MTA3: variants seen among roughly 807,000 people sequenced by gnomAD.
The protein encoded by MTA3 is metastasis-associated protein MTA3.
MTA3 carries 34 observed loss-of-function variants against 83.5 expected under a neutral mutation model. That is an observed-to-expected ratio of 0.41 (90% CI 0.31 to 0.54). The LOEUF (loss-of-function observed/expected upper bound fraction) is 0.54, where lower values mean the gene tolerates loss of function less well. Ranked by LOEUF, MTA3 falls within the 20% of genes least tolerant of loss-of-function variation. The pLI is 0.33. For synonymous variants in MTA3, 303 were observed against 252.7 expected, an observed-to-expected ratio of 1.20 and a Z score of -1.89; for missense variants, 761 against 726.4, an observed-to-expected ratio of 1.05 and a Z score of -0.55.
At chr2:42,523,342 C>G (rs182256486) in intron 2 of MTA3, among the ~76,000 whole-genome samples, 13 of 152,226 alleles carry the variant, frequency 8.5e-5, no homozygotes, top group African/African-American at 2.9e-4. Flanking sequence ...GTACTAAGTC[C>G]TCATGATTGG....
At chr2:42,749,522 C>T (rs139862357) in intron 16 of MTA3, among the ~76,000 whole-genome samples, 3 of 152,262 alleles carry the variant, frequency 2.0e-5, no homozygotes, top group East Asian at 1.9e-4. Flanking sequence ...TGCTGGAGTG[C>T]AGTGGCATGA....
chr2:42,642,152 T>G (rs1687753668), intron 5 of MTA3, among the ~76,000 whole-genome samples: 1 of 152,214 alleles, frequency 6.6e-6, no homozygotes, highest in African/African-American at 2.4e-5. Context: ...CTTTTCTTCT[T>G]CTTTTTTACA....
chr2:42,749,532 A>T (rs182046702), intron 16 of MTA3, among the ~76,000 whole-genome samples: 1 of 152,186 alleles, frequency 6.6e-6, no homozygotes, highest in East Asian at 1.9e-4. Flanking sequence ...CAGTGGCATG[A>T]TCTCGGCTCA....
At chr2:42,617,529 A>G (rs1685044242) in intron 4 of MTA3, among the ~76,000 whole-genome samples, 1 of 152,180 alleles carries the variant, frequency 6.6e-6, no homozygotes, top group South Asian at 2.1e-4. Context: ...TGCATGTTTG[A>G]GGCCGGGCAT....
chr2:42,526,256 G>A (rs1452743853), intron 2 of MTA3, among the ~76,000 whole-genome samples: 1 of 151,852 alleles, frequency 6.6e-6, no homozygotes, highest in Non-Finnish European at 1.5e-5. Context: ...TTTGAGACAG[G>A]GTCTCACTAC....
intron 16 of MTA3, among the ~76,000 whole-genome samples, chr2:42,727,183 G>C (rs893742799): frequency 5.9e-5 from 9 of 152,196 alleles, no homozygotes; most frequent in South Asian, 2.1e-4. Flanking sequence ...GGGTTACAGA[G>C]TGAGATCCTG....
At chr2:42,502,671 C>G (rs908135679) in intron 2 of MTA3, among the ~76,000 whole-genome samples, 21 of 151,924 alleles carry the variant, frequency 1.4e-4, no homozygotes, top group Non-Finnish European at 1.9e-4. Context: ...GTGGCGCATG[C>G]CTGTAATCCC....
At position 42,711,782 on chromosome 2, in the gene MTA3, G is replaced by GTT. The variant is rs1340324159; in HGVS notation, c.1525+2686_1525+2687insTT. On this transcript the variant is annotated intron_variant, in intron 14 of 16. Coordinates refer to ENST00000405094, the MANE Select transcript of MTA3 (RefSeq NM_001330442.2). ...ACTGGGAGTGTATAGGAGAGAGAGA[G>GTT]AGTGTGTGTGTGTGTGTGTGTGTGT... Among the ~76,000 whole-genome samples, 399 of 146,080 alleles carry GTT rather than the reference G, an allele frequency of 2.7e-3. 6 individuals are homozygous for GTT. Among genetic ancestry groups the GTT allele is most frequent in the Admixed American group, 4.8e-3 (72 of 14,970 alleles).
At chr2:42,623,561 C>T (rs1405968818) in intron 4 of MTA3, among the ~76,000 whole-genome samples, 1 of 152,092 alleles carries the variant, frequency 6.6e-6, no homozygotes. Context: ...CTTCCCTTTT[C>T]CTTCTCTTTC....
intron 2 of MTA3, among the ~76,000 whole-genome samples, chr2:42,544,413 T>C (rs1369771309): frequency 6.6e-6 from 1 of 150,514 alleles, no homozygotes; most frequent in East Asian, 1.9e-4. Context: ...GCCACTGTAC[T>C]CTGTTGCCAG....
chr2:42,614,841 A>T (rs1387662492), intron 4 of MTA3, among the ~76,000 whole-genome samples: 2 of 151,794 alleles, frequency 1.3e-5, no homozygotes, highest in Admixed American at 6.6e-5. Context: ...ATGGCATGGC[A>T]GCGTATGCCT....
chr2:42,623,394 C>A (rs1423835543), intron 4 of MTA3, among the ~76,000 whole-genome samples: 1 of 152,132 alleles, frequency 6.6e-6, no homozygotes, highest in African/African-American at 2.4e-5. Flanking sequence ...TCCAGCCTTC[C>A]CCTCCTGGAC....
At chr2:42,620,561 C>T (rs886959258) in intron 4 of MTA3, among the ~76,000 whole-genome samples, 5 of 152,122 alleles carry the variant, frequency 3.3e-5, no homozygotes, top group African/African-American at 7.2e-5. Flanking sequence ...GGTGTCATCA[C>T]GGCTCACTGC....
chr2:42,669,116 G>T (rs911685198), intron 8 of MTA3, among the ~76,000 whole-genome samples: 1 of 145,972 alleles, frequency 6.9e-6, no homozygotes, highest in Admixed American at 7.0e-5. Context: ...AGGTAGTCTC[G>T]CTCTGTCACC....
intron 6 of MTA3, among the ~76,000 whole-genome samples, chr2:42,652,267 T>TC (rs1688788015): frequency 6.6e-6 from 1 of 152,156 alleles, no homozygotes; most frequent in Non-Finnish European, 1.5e-5. Context: ...CTCTTTTTCC[T>TC]GTAAGTTAGT....
intron 4 of MTA3, among the ~76,000 whole-genome samples, chr2:42,620,352 C>T (rs1307417394): frequency 2.0e-5 from 3 of 152,126 alleles, no homozygotes; most frequent in Admixed American, 6.6e-5. Context: ...CTCCTGGCCT[C>T]AGGTGATTCC....
chr2:42,563,108 A>G (rs998985239), intron 2 of MTA3, among the ~76,000 whole-genome samples: 1 of 151,886 alleles, frequency 6.6e-6, no homozygotes, highest in Non-Finnish European at 1.5e-5. Context: ...CCTTCTCACC[A>G]ACCTCCCAAC....
intron 5 of MTA3, among the ~76,000 whole-genome samples, chr2:42,641,208 G>GTTT (rs1165358003): frequency 3.0e-5 from 4 of 131,746 alleles, no homozygotes; most frequent in Admixed American, 7.7e-5. Flanking sequence ...TGCCTGGCCG[G>GTTT]TTTTTTTTTT....
chr2:42,591,232 T>G (rs1043175585), intron 3 of MTA3, among the ~76,000 whole-genome samples: 2 of 152,216 alleles, frequency 1.3e-5, no homozygotes, highest in Admixed American at 1.3e-4. Context: ...ATTTTGGGTA[T>G]TTGTTTATCT....
Sources: allele counts gnomAD v4.1 joint callset (sites outside exome capture counted in the v4.1 genomes callset), GRCh38; gene constraint gnomAD v4.1.1; transcripts MANE v1.5; gene names NCBI Gene and HGNC (gene_info 2026-07-23, HGNC 2026-07-21).